PCDHGA6: variants seen among roughly 807,000 people sequenced by gnomAD.
The protein encoded by PCDHGA6 is protocadherin gamma subfamily A, 6, also known as protocadherin gamma-A6.
A neutral mutation model predicts 60.6 loss-of-function variants in PCDHGA6; 41 were observed. That is an observed-to-expected ratio of 0.68 (90% CI 0.53 to 0.88). PCDHGA6 has a LOEUF of 0.88. Among genes scored for constraint, PCDHGA6 ranks in the 40% least tolerant of loss-of-function variants. The pLI, the probability that PCDHGA6 is intolerant of heterozygous loss-of-function variation, is 0.00. For synonymous variants in PCDHGA6, 594 were observed against 524.4 expected, an observed-to-expected ratio of 1.13 and a Z score of -1.81; for missense variants, 1,312 against 1,203.0, an observed-to-expected ratio of 1.09 and a Z score of -1.34.
chr5:141,468,464 TC>T (rs2099167734), intron 1 of PCDHGA6: 2 of 152,174 alleles, frequency 1.3e-5, no homozygotes, highest in Admixed American at 1.3e-4. Flanking sequence ...GCAAGTTATT[TC>T]TGAGGAGAAT....
chr5:141,422,520 G>T, intron 1 of PCDHGA6: 2 of 1,613,946 alleles, frequency 1.2e-6, no homozygotes, highest in Middle Eastern at 1.6e-4. Flanking sequence ...AGGGAAGCCC[G>T]CCTTTGTCTG....
intron 1 of PCDHGA6, among the ~76,000 whole-genome samples, chr5:141,433,697 CGTG>C (rs1176871032): frequency 6.6e-6 from 1 of 152,020 alleles, no homozygotes; most frequent in Non-Finnish European, 1.5e-5. Context: ...ATTAGCCGGG[CGTG>C]GTGGTGCATG....
chr5:141,478,563 C>A, intron 1 of PCDHGA6: 2 of 1,596,270 alleles, frequency 1.3e-6, no homozygotes, highest in South Asian at 1.1e-5. Context: ...TTTAGCAAGT[C>A]ATGCTTGACC....
At chr5:141,393,284 T>C (rs1462333832) in intron 1 of PCDHGA6, 10 of 1,613,870 alleles carry the variant, frequency 6.2e-6, no homozygotes, top group African/African-American at 2.7e-5. Flanking sequence ...TCCCAGAAGC[T>C]GTTGACCCGG....
intron 2 of PCDHGA6, among the ~76,000 whole-genome samples, chr5:141,505,119 G>A (rs371973470): frequency 3.1e-4 from 47 of 152,210 alleles, no homozygotes; most frequent in African/African-American, 1.0e-3. Flanking sequence ...CCAAGATCGC[G>A]CCACTGCACT....
Position 141,487,256 on chromosome 5 carries a change from G to T in PCDHGA6, c.2425-7551G>T. On this transcript the variant is annotated intron_variant, in intron 1 of 3. Coordinates refer to ENST00000517434, the MANE Select transcript of PCDHGA6 (RefSeq NM_018919.3). This position sits in a 1 kb window ranked among gnomAD's most constrained non-coding sequence, Gnocchi z 5.0. Reference sequence around the variant, plus strand: ...ATCTCGTCTAACCCTCTACTTGGCTGTGTCCCTAGTGGCAATTTGCTTTGT... The same window carrying T: ...ATCTCGTCTAACCCTCTACTTGGCTTTGTCCCTAGTGGCAATTTGCTTTGT... The T allele has an allele frequency of 2.5e-6, 4 of 1,614,166 alleles. No homozygotes were observed. Among genetic ancestry groups the T allele is most frequent in the Non-Finnish European group, 2.5e-6 (3 of 1,180,032 alleles).
chr5:141,489,983 G>T lies in PCDHGA6; in HGVS notation c.2425-4824G>T. ...CCAACCTTCCAATCCTCAGTTCTACGTGTGGGAATCCCAGAGAATGCACCC... is the reference window on the plus strand; with the variant it reads ...CCAACCTTCCAATCCTCAGTTCTACTTGTGGGAATCCCAGAGAATGCACCC... On this transcript the variant is annotated intron_variant, in intron 1 of 3. Coordinates refer to ENST00000517434, the MANE Select transcript of PCDHGA6 (RefSeq NM_018919.3). The surrounding 1 kb of genome is among the most constrained non-coding windows in gnomAD (Gnocchi z 4.5). The T allele has an allele frequency of 6.2e-7, 1 of 1,614,172 alleles. No homozygotes were observed. Among genetic ancestry groups the T allele is most frequent in the Non-Finnish European group, 8.5e-7 (1 of 1,179,996 alleles).
Position 141,375,733 on chromosome 5 carries a change from G to C in PCDHGA6, c.1650G>C (p.Leu550=). The C allele has an allele frequency of 6.2e-7, 1 of 1,614,248 alleles. No individual in the cohort carries two copies. The highest frequency in any genetic ancestry group is 1.1e-5 in the South Asian group (1 of 91,090). Residue 550 remains leucine (L), a synonymous_variant, in exon 1 of 4, where the codon CTG becomes CTC. Transcript: ENST00000517434. ...PPLSSNVSLS[L]FVLDQNDNAP... ...TTAGCAGCAACGTGTCACTGAGCCT[G>C]TTTGTGCTGGACCAGAATGACAATG...
chr5:141,501,130 G>C (rs528942194), intron 2 of PCDHGA6, among the ~76,000 whole-genome samples: 1 of 152,218 alleles, frequency 6.6e-6, no homozygotes, highest in South Asian at 2.1e-4. Flanking sequence ...GCCTCCCTAA[G>C]TGCTGGGATT....
intron 1 of PCDHGA6, chr5:141,415,634 C>T: frequency 6.3e-7 from 1 of 1,589,948 alleles, no homozygotes; most frequent in East Asian, 2.3e-5. Flanking sequence ...TTCATTTTTA[C>T]TTTTGTTAAA....
chr5:141,485,944 G>C lies in PCDHGA6; in HGVS notation c.2425-8863G>C, dbSNP rs2099621875. 1 of 1,613,998 alleles carries C rather than the reference G, an allele frequency of 6.2e-7. No homozygotes were observed. Reference sequence around the variant, plus strand: ...TTAGTGTGTTGGAGAGCGCACCAGCGGGCATGGTGCTCATCCAGCTCAATG... The same window carrying C: ...TTAGTGTGTTGGAGAGCGCACCAGCCGGCATGGTGCTCATCCAGCTCAATG... On this transcript the variant is annotated intron_variant, in intron 1 of 3. Transcript: ENST00000517434. This position sits in a 1 kb window ranked among gnomAD's most constrained non-coding sequence, Gnocchi z 5.7.
At chr5:141,454,824 T>C (rs1231148585) in intron 1 of PCDHGA6, among the ~76,000 whole-genome samples, 1 of 127,218 alleles carries the variant, frequency 7.9e-6, no homozygotes, top group African/African-American at 3.3e-5. Flanking sequence ...TTTTTTTTTT[T>C]TGAGACAGAG....
chr5:141,452,054 C>T (rs578157525), intron 1 of PCDHGA6, among the ~76,000 whole-genome samples: 2 of 152,078 alleles, frequency 1.3e-5, no homozygotes, highest in Admixed American at 1.3e-4. Flanking sequence ...TTTGTAATAA[C>T]TTATTCTACT....
Position 141,486,142 on chromosome 5 carries a change from C to T in PCDHGA6, c.2425-8665C>T. 6.2e-7 allele frequency: 1 copy of T among 1,614,200 alleles called. No homozygotes were observed. The highest frequency in any genetic ancestry group is 1.3e-5 in the African/African-American group (1 of 75,052). ...ACTATGAATTTGATGTGCGGGCTCG[C>T]GATGGGGGTTCTCCAGCCATGGAGC... On this transcript the variant is annotated intron_variant, in intron 1 of 3. Coordinates refer to ENST00000517434, the MANE Select transcript of PCDHGA6 (RefSeq NM_018919.3). This position sits in a 1 kb window ranked among gnomAD's most constrained non-coding sequence, Gnocchi z 5.0.
intron 1 of PCDHGA6, chr5:141,408,622 A>C (rs1481022505): frequency 6.2e-7 from 1 of 1,614,070 alleles, no homozygotes; most frequent in Admixed American, 1.7e-5. Flanking sequence ...AAATACATTT[A>C]GAAATTTTCG....
In PCDHGA6 at chr5:141,375,966, C is replaced by A. The variant is rs373365863; in HGVS notation, c.1883C>A (p.Thr628Lys). 4 of 1,613,374 alleles carry A rather than the reference C, an allele frequency of 2.5e-6. No individual in the cohort carries two copies. The highest frequency in any genetic ancestry group is 2.5e-6 in the Non-Finnish European group (3 of 1,179,888). The part of the protein sequence containing the change: ...SVGLHTGEVR[T>K]ARALLDRDAL... Reference sequence around the variant, plus strand: ...GGCCTGCACACGGGCGAGGTGCGCACGGCGCGCGCCCTGCTGGACAGAGAC... The same window carrying A: ...GGCCTGCACACGGGCGAGGTGCGCAAGGCGCGCGCCCTGCTGGACAGAGAC... The change falls in exon 1 of 4, where the codon ACG becomes AAG. Residue 628 changes from threonine to lysine, a missense_variant. By Grantham distance (78) the Thr-to-Lys change is moderately conservative. Coordinates refer to ENST00000517434, the MANE Select transcript of PCDHGA6 (RefSeq NM_018919.3).
intron 1 of PCDHGA6, among the ~76,000 whole-genome samples, chr5:141,474,096 CAACAAA>C (rs1262341033): frequency 1.3e-5 from 2 of 152,078 alleles, no homozygotes; most frequent in African/African-American, 4.8e-5. Context: ...AAACAAACAA[CAACAAA>C]AACAACAACA....
chr5:141,432,343 G>C lies in PCDHGA6; in HGVS notation c.2424+55836G>C, dbSNP rs1174646711. 3 of 1,614,130 alleles carry C rather than the reference G, an allele frequency of 1.9e-6. No homozygotes were observed. On this transcript the variant is annotated intron_variant, in intron 1 of 3. Coordinates refer to ENST00000517434, the MANE Select transcript of PCDHGA6 (RefSeq NM_018919.3). This position sits in a 1 kb window ranked among gnomAD's most constrained non-coding sequence, Gnocchi z 6.0. ...TCGACTACGAGCAGTTCCGAGACTTGCAAGTGAAAGTGATGGCGCGGGACA... is the reference window on the plus strand; with the variant it reads ...TCGACTACGAGCAGTTCCGAGACTTCCAAGTGAAAGTGATGGCGCGGGACA...
chr5:141,402,801 G>A, intron 1 of PCDHGA6: 6 of 1,078,624 alleles, frequency 5.6e-6, no homozygotes, highest in Non-Finnish European at 7.6e-6. Context: ...CACAAAACCC[G>A]GCAGATACCA....
Sources: gnomAD v4.1 joint callset for allele counts (sites outside exome capture counted in the v4.1 genomes callset) on GRCh38, gnomAD v4.1.1 for gene constraint, Gnocchi (gnomAD v3.1) non-coding constraint, MANE v1.5 for transcripts, NCBI Gene and HGNC (gene_info 2026-07-23, HGNC 2026-07-21) for gene names.